Variants in SCAPER observed in about 807,000 individuals in gnomAD.
SCAPER encodes S phase cyclin A-associated protein in the endoplasmic reticulum.
SCAPER carries 98 observed loss-of-function variants against 182.2 expected under a neutral mutation model. The ratio of observed to expected loss-of-function variants is 0.54; its 90% CI spans 0.46 to 0.64. The LOEUF is 0.64. Among genes scored for constraint, SCAPER ranks in the 30% least tolerant of loss-of-function variants. SCAPER has a pLI of 0.00. For missense variants in SCAPER, 1,432 were observed against 1,690.0 expected, an observed-to-expected ratio of 0.85 and a Z score of 2.68; for synonymous variants, 605 against 564.6, an observed-to-expected ratio of 1.07 and a Z score of -1.01.
At chr15:76,874,675 G>T (rs1020274321) in intron 2 of SCAPER, among the ~76,000 whole-genome samples, 1 of 152,122 alleles carries the variant, frequency 6.6e-6, no homozygotes. Flanking sequence ...AATTGTATCC[G>T]GTCAGTCACC....
chr15:76,383,048 C>T (rs1325492038), intron 27 of SCAPER, among the ~76,000 whole-genome samples: 6 of 151,538 alleles, frequency 4.0e-5, no homozygotes, highest in East Asian at 3.9e-4. Flanking sequence ...TTTAACACTA[C>T]GAGTTAGTGT....
chr15:76,692,756 G>T (rs917933610), intron 20 of SCAPER, among the ~76,000 whole-genome samples: 1 of 143,574 alleles, frequency 7.0e-6, no homozygotes, highest in Non-Finnish European at 1.5e-5. Context: ...GAAATGAAAG[G>T]AAGAAAAATA....
chr15:76,535,115 C>T (rs1206290789), intron 23 of SCAPER, among the ~76,000 whole-genome samples: 1 of 152,162 alleles, frequency 6.6e-6, no homozygotes, highest in Non-Finnish European at 1.5e-5. Context: ...TAGACACACT[C>T]AGTGGGTCTA....
At chr15:76,823,835 C>T (rs1412067823) in intron 5 of SCAPER, among the ~76,000 whole-genome samples, 1 of 151,822 alleles carries the variant, frequency 6.6e-6, no homozygotes, top group Non-Finnish European at 1.5e-5. Context: ...ACTTAAATCA[C>T]CTACATTAAG....
At chr15:76,421,947 T>A (rs978152785) in intron 26 of SCAPER, among the ~76,000 whole-genome samples, 18 of 152,206 alleles carry the variant, frequency 1.2e-4, no homozygotes, top group African/African-American at 3.9e-4. Context: ...TGTGTTATTA[T>A]TTCTGAGGGC....
intron 8 of SCAPER, among the ~76,000 whole-genome samples, chr15:76,779,629 C>T (rs2151376012): frequency 6.6e-6 from 1 of 152,024 alleles, no homozygotes; most frequent in South Asian, 2.1e-4. Flanking sequence ...AAGATTCACA[C>T]TAGTTCTATG....
intron 27 of SCAPER, among the ~76,000 whole-genome samples, chr15:76,393,111 C>T (rs746590506): frequency 3.3e-4 from 50 of 152,310 alleles, no homozygotes; most frequent in Admixed American, 7.2e-4. Flanking sequence ...ATGGATCTTT[C>T]GGAAGTCCCT....
chr15:76,497,989 CAAAAAAAAAAAAAAAAAAAA>C (rs747096625), intron 24 of SCAPER, among the ~76,000 whole-genome samples: 3 of 58,322 alleles, frequency 5.1e-5, no homozygotes, highest in Admixed American at 3.2e-4. Context: ...GACTCCGTCT[CAAAAAAAAAAAAAAAAAAAA>C]AAAAAAAAAA....
chr15:76,503,293 A>G (rs949631660), intron 24 of SCAPER, among the ~76,000 whole-genome samples: 2 of 152,202 alleles, frequency 1.3e-5, no homozygotes, highest in South Asian at 4.1e-4. Context: ...CTGTAAATAA[A>G]GTCCATATTG....
chr15:76,592,741 C>G lies in SCAPER; in HGVS notation c.2712-18457G>C, dbSNP rs1212851623. Among the ~76,000 whole-genome samples the G allele has an allele frequency of 2.5e-5, 3 of 122,140 alleles. 1 individual carries two copies. The highest frequency in any genetic ancestry group is 6.0e-5 in the Non-Finnish European group (3 of 50,036). The allele number at this position is 122,140 out of a possible 152,430, so 80.1% of individuals were successfully genotyped here. A position where few individuals can be genotyped will look rare whatever the true frequency, so the allele number is the denominator to read the frequency against. On this transcript the variant is annotated intron_variant, in intron 22 of 31. Transcript: ENST00000563290. ...GGTTTGGGGAACTCCCTCCCCTAGCCAAGGGAAGCCTTGAGGGACTGTGCC... is the reference window on the plus strand; with the variant it reads ...GGTTTGGGGAACTCCCTCCCCTAGCGAAGGGAAGCCTTGAGGGACTGTGCC...
intron 24 of SCAPER, among the ~76,000 whole-genome samples, chr15:76,498,785 T>C (rs906035855): frequency 6.6e-6 from 1 of 152,208 alleles, no homozygotes; most frequent in Non-Finnish European, 1.5e-5. Flanking sequence ...CAAGTTTTAC[T>C]TTGGAGAATA....
chr15:76,652,560 C>CACAT (rs1429907504), intron 21 of SCAPER, among the ~76,000 whole-genome samples: 4 of 134,692 alleles, frequency 3.0e-5, no homozygotes, highest in African/African-American at 5.6e-5. Flanking sequence ...CACACACACA[C>CACAT]ATTAGCCGGG....
At chr15:76,403,069 G>A (rs2044580356) in intron 27 of SCAPER, among the ~76,000 whole-genome samples, 1 of 152,192 alleles carries the variant, frequency 6.6e-6, no homozygotes, top group Non-Finnish European at 1.5e-5. Flanking sequence ...TGGCAGGTTT[G>A]TAATGTAATG....
intron 2 of SCAPER, among the ~76,000 whole-genome samples, chr15:76,881,556 A>G (rs2073541551): frequency 6.6e-6 from 1 of 152,228 alleles, no homozygotes; most frequent in Non-Finnish European, 1.5e-5. Flanking sequence ...AGTCTTAAAG[A>G]GGAGGGAAAT....
In SCAPER at chr15:76,771,963, A is replaced by T. The variant is rs770215730; in HGVS notation, c.1036-9T>A. On this transcript the variant is annotated splice_polypyrimidine_tract_variant and intron_variant, in intron 9 of 31. Coordinates refer to ENST00000563290, the MANE Select transcript of SCAPER (RefSeq NM_020843.4). ...AATGTACTCACTGTGAACTAACAAAACGTAGAGAATGAATCAGAGATAATT... is the reference window on the plus strand; with the variant it reads ...AATGTACTCACTGTGAACTAACAAATCGTAGAGAATGAATCAGAGATAATT... The T allele has an allele frequency of 2.0e-5, 32 of 1,589,770 alleles. No homozygotes were observed. In the Admixed American group the frequency reaches 5.4e-4, roughly 27 times the overall value.
intron 20 of SCAPER, among the ~76,000 whole-genome samples, chr15:76,687,153 A>T (rs1052059076): frequency 6.6e-6 from 1 of 152,168 alleles, no homozygotes; most frequent in Admixed American, 6.5e-5. Context: ...AAATAACAAT[A>T]ATAGCATATT....
intron 5 of SCAPER, among the ~76,000 whole-genome samples, chr15:76,833,710 C>T (rs2068705021): frequency 2.0e-5 from 3 of 152,004 alleles, no homozygotes; most frequent in South Asian, 2.1e-4. Flanking sequence ...CAGGAGTTGT[C>T]GTTATTTCAG....
chr15:76,668,841 AT>A (rs1360635537), intron 20 of SCAPER, among the ~76,000 whole-genome samples: 2 of 152,224 alleles, frequency 1.3e-5, no homozygotes, highest in Admixed American at 1.3e-4. Flanking sequence ...AGTCAATGTA[AT>A]AACAACTAAT....
chr15:76,540,021 A>C (rs2044590970), intron 23 of SCAPER, among the ~76,000 whole-genome samples: 1 of 152,232 alleles, frequency 6.6e-6, no homozygotes, highest in Admixed American at 6.5e-5. Flanking sequence ...TGGTACAACT[A>C]TTCCATGGAA....
Sources: gnomAD v4.1 joint callset for allele counts (sites outside exome capture counted in the v4.1 genomes callset) on GRCh38, gnomAD v4.1.1 for gene constraint, MANE v1.5 for transcripts, NCBI Gene and HGNC (gene_info 2026-07-23, HGNC 2026-07-21) for gene names.